PPP1R1C: variants seen among roughly 807,000 people sequenced by gnomAD.
PPP1R1C encodes the protein protein phosphatase 1 regulatory subunit 1C.
PPP1R1C carries 15 observed loss-of-function variants against 17.4 expected under a neutral mutation model. The observed-to-expected ratio is 0.86, with a 90% CI of 0.58 to 1.33. PPP1R1C has a LOEUF of 1.33. Among genes scored for constraint, PPP1R1C ranks in the 40% most tolerant of loss-of-function variants. PPP1R1C has a pLI of 0.00. For synonymous variants in PPP1R1C, 35 were observed against 43.1 expected, an observed-to-expected ratio of 0.81 and a Z score of 0.73; for missense variants, 143 against 130.0, an observed-to-expected ratio of 1.10 and a Z score of -0.48.
chr2:182,069,782 A>G (rs1688090106), intron 4 of PPP1R1C, among the ~76,000 whole-genome samples: 1 of 152,260 alleles, frequency 6.6e-6, no homozygotes, highest in South Asian at 2.1e-4. Context: ...AACAGCTTTT[A>G]AAATTGCTTT....
intron 2 of PPP1R1C, among the ~76,000 whole-genome samples, chr2:182,037,953 T>C (rs2125176986): frequency 1.3e-5 from 2 of 152,300 alleles, no homozygotes; most frequent in Admixed American, 1.3e-4. Context: ...AAATATCTCC[T>C]GATAGCTCTA....
At chr2:182,051,041 A>T (rs970157541) in intron 2 of PPP1R1C, among the ~76,000 whole-genome samples, 2 of 152,240 alleles carry the variant, frequency 1.3e-5, no homozygotes, top group Non-Finnish European at 1.5e-5. Context: ...CACAGGCTGG[A>T]TGTGAAAATA....
At chr2:182,076,025 G>A (rs994465398) in intron 4 of PPP1R1C, among the ~76,000 whole-genome samples, 3 of 151,666 alleles carry the variant, frequency 2.0e-5, no homozygotes, top group East Asian at 3.9e-4. Flanking sequence ...TGCTTATAAT[G>A]TATTATTTTA....
Position 181,961,952 on chromosome 2 carries a change from G to A in PPP1R1C, n.111+7318G>A. The A allele has an allele frequency of 8.1e-6, 6 of 738,408 alleles. No individual in the cohort carries two copies. The highest frequency in any genetic ancestry group is 2.7e-5 in the South Asian group (2 of 73,518). 45.7% of individuals were successfully genotyped at this position (738,408 alleles called of 1,614,324 possible). A position where few individuals can be genotyped will look rare whatever the true frequency, so the allele number is the denominator to read the frequency against. ...CCCATGGATGTCACTCCCCACAGAC[G>A]GGTGCATGGCCAGCTCTGTCTCATA... On this transcript the variant is annotated intron_variant and non_coding_transcript_variant, in intron 1 of 5. Transcript: ENST00000464264. The surrounding 1 kb of genome is among the most constrained non-coding windows in gnomAD (Gnocchi z 5.8).
intron 2 of PPP1R1C, among the ~76,000 whole-genome samples, chr2:181,997,733 T>C (rs543990027): frequency 6.6e-6 from 1 of 152,306 alleles, no homozygotes; most frequent in Admixed American, 6.5e-5. Flanking sequence ...CGGACAGAAG[T>C]ATTATAATTA....
At chr2:182,074,620 C>A in intron 4 of PPP1R1C, among the ~76,000 whole-genome samples, 1 of 152,120 alleles carries the variant, frequency 6.6e-6, no homozygotes, top group East Asian at 1.9e-4. Context: ...AGATTACATT[C>A]TTCACAAACT....
chr2:182,090,434 T>G (rs1010980641), intron 4 of PPP1R1C, among the ~76,000 whole-genome samples: 9 of 151,996 alleles, frequency 5.9e-5, no homozygotes, highest in African/African-American at 2.2e-4. Context: ...GTAAAGAATG[T>G]TTTCCCAATC....
chr2:182,130,666 C>T (rs1689986904), downstream of PPP1R1C: 1 of 152,182 alleles, frequency 6.6e-6, no homozygotes, highest in Non-Finnish European at 1.5e-5. Flanking sequence ...TTACATTTCT[C>T]CTGCAGCATA....
chr2:182,056,938 C>T (rs925328292), intron 2 of PPP1R1C, among the ~76,000 whole-genome samples: 1 of 152,150 alleles, frequency 6.6e-6, no homozygotes, highest in African/African-American at 2.4e-5. Context: ...GCATTTGAAC[C>T]TAGTACATTG....
At chr2:182,117,034 A>G (rs941134065) in intron 4 of PPP1R1C, among the ~76,000 whole-genome samples, 173 bp from the exon 5 acceptor site, 2 of 152,168 alleles carry the variant, frequency 1.3e-5, no homozygotes, top group African/African-American at 4.8e-5. Context: ...GTATGTTTTT[A>G]TTGCTCAGTG....
rs1213540079 is a variant in PPP1R1C at position 181,962,211 on chromosome 2, G to A, written n.111+7577G>A. 3 of 735,724 alleles carry A rather than the reference G, an allele frequency of 4.1e-6. No individual in the cohort carries two copies. The highest frequency in any genetic ancestry group is 1.8e-5 in the Admixed American group (1 of 55,546). The allele number at this position is 735,724 out of a possible 1,614,324, so 45.6% of individuals were successfully genotyped here. The stretch of plus-strand genomic sequence containing the variant: ...ACTCTGTCCAGGTAGGAGGCCAGAC[G>A]GTCATTCAGGCTTTGCATTGTCTCC... On this transcript the variant is annotated intron_variant and non_coding_transcript_variant, in intron 1 of 5. Transcript: ENST00000464264. The surrounding 1 kb of genome is among the most constrained non-coding windows in gnomAD (Gnocchi z 6.0).
rs1408333791 is a variant in PPP1R1C, at chr2:182,110,431, T to C, written c.242-6776T>C. 2.0e-5 allele frequency among the ~76,000 whole-genome samples: 3 copies of C among 152,176 alleles called. No individual in the cohort carries two copies. In the East Asian group the frequency reaches 5.8e-4, roughly 29 times the overall value. Reference sequence around the variant, plus strand: ...TTCTAGTCAGAGCCTTCTCTCCTTGTATGCTAGCTCTGTTGCTATCAGAGG... The same window carrying C: ...TTCTAGTCAGAGCCTTCTCTCCTTGCATGCTAGCTCTGTTGCTATCAGAGG... On this transcript the variant is annotated intron_variant, in intron 4 of 4. Transcript: ENST00000682840.
At chr2:181,990,329 A>AGAGACGGG (rs1441459187) in intron 2 of PPP1R1C, among the ~76,000 whole-genome samples, 2 of 150,720 alleles carry the variant, frequency 1.3e-5, no homozygotes, top group Non-Finnish European at 1.5e-5. Context: ...TTTTTTTAGT[A>AGAGACGGG]GAGACGGGGT....
intron 4 of PPP1R1C, among the ~76,000 whole-genome samples, chr2:182,075,282 G>C (rs1688259191): frequency 6.6e-6 from 1 of 152,118 alleles, no homozygotes; most frequent in Non-Finnish European, 1.5e-5. Flanking sequence ...CTTAGGAAAA[G>C]ATTCTCCCAT....
intron 4 of PPP1R1C, among the ~76,000 whole-genome samples, chr2:182,065,859 T>A (rs1420608236): frequency 1.3e-5 from 2 of 152,212 alleles, no homozygotes; most frequent in Non-Finnish European, 2.9e-5. Context: ...CTTTGTCTCA[T>A]GCTAAATTTT....
intron 2 of PPP1R1C, among the ~76,000 whole-genome samples, chr2:182,032,319 T>C (rs1480881996): frequency 6.6e-6 from 1 of 152,212 alleles, no homozygotes; most frequent in Non-Finnish European, 1.5e-5. Flanking sequence ...TTAATGTCGG[T>C]TTCTCAATGA....
chr2:182,082,951 C>A (rs1574437565), intron 4 of PPP1R1C, among the ~76,000 whole-genome samples: 1 of 152,050 alleles, frequency 6.6e-6, no homozygotes. Flanking sequence ...CAACACAGCC[C>A]AACTGGAATA....
chr2:182,019,928 C>G (rs941185924), intron 2 of PPP1R1C, among the ~76,000 whole-genome samples: 3 of 152,164 alleles, frequency 2.0e-5, no homozygotes, highest in Non-Finnish European at 4.4e-5. Flanking sequence ...CATATAGATC[C>G]ATCTCTGTAA....
At chr2:182,035,414 T>C (rs1433070867) in intron 2 of PPP1R1C, among the ~76,000 whole-genome samples, 1 of 152,184 alleles carries the variant, frequency 6.6e-6, no homozygotes, top group African/African-American at 2.4e-5. Flanking sequence ...GAAATTGCCA[T>C]GAGGAATTAT....
Sources: allele counts gnomAD v4.1 joint callset (sites outside exome capture counted in the v4.1 genomes callset), GRCh38; gene constraint gnomAD v4.1.1; non-coding constraint Gnocchi (gnomAD v3.1); transcripts MANE v1.5; gene names NCBI Gene and HGNC (gene_info 2026-07-23, HGNC 2026-07-21).